The following CLASP1 variants were observed in gnomAD, a reference collection of about 807,000 sequenced individuals.
The protein encoded by CLASP1 is CLIP-associating protein 1.
CLASP1 carries 38 observed loss-of-function variants against 192.3 expected under a neutral mutation model. That is an observed-to-expected ratio of 0.20 (90% CI 0.15 to 0.26). CLASP1 has a LOEUF of 0.26. Ranked by LOEUF, CLASP1 falls within the 10% of genes least tolerant of loss-of-function variation. The pLI is 1.00. For missense variants in CLASP1, 1,433 were observed against 1,932.5 expected (o/e 0.74, Z 4.85); for synonymous variants, 691 against 712.8 (o/e 0.97, Z 0.49).
At chr2:121,627,979 G>A (rs1049798485) in intron 1 of CLASP1, among the ~76,000 whole-genome samples, 4 of 152,120 alleles carry the variant, frequency 2.6e-5, no homozygotes, top group African/African-American at 9.7e-5. Context: ...ATGAAATACT[G>A]TGAAATTTCA....
In CLASP1 at chr2:121,375,255, T is replaced by C. The variant is rs552673668; in HGVS notation, c.3642+2244A>G. Reference sequence around the variant, plus strand: ...GTGAAGATGTGCTTGCTTCTCCTTATGCCATGACTGTAAGCTTCCTGGGGC... The same window carrying C: ...GTGAAGATGTGCTTGCTTCTCCTTACGCCATGACTGTAAGCTTCCTGGGGC... On this transcript the variant is annotated intron_variant, in intron 34 of 39. Transcript: ENST00000263710. 1.6e-4 allele frequency among the ~76,000 whole-genome samples: 25 copies of C among 152,212 alleles called. No individual in the cohort carries two copies. The South Asian group carries it at 5.2e-3, about 32-fold the overall frequency.
chr2:121,479,016 CCACACACACACACACCCCACACA>C (rs2092330244), intron 8 of CLASP1, among the ~76,000 whole-genome samples: 1 of 63,896 alleles, frequency 1.6e-5, no homozygotes, highest in Non-Finnish European at 2.8e-5. Flanking sequence ...CACACACACA[CCACACACACACACACCCCACACA>C]CACACACACC....
chr2:121,475,297 T>C (rs1296207361), intron 8 of CLASP1, among the ~76,000 whole-genome samples: 1 of 152,230 alleles, frequency 6.6e-6, no homozygotes, highest in African/African-American at 2.4e-5. Context: ...ATTTGAAAAC[T>C]TAACTAACAT....
intron 2 of CLASP1, among the ~76,000 whole-genome samples, chr2:121,571,574 T>TG (rs532383028): frequency 1.9e-3 from 283 of 152,286 alleles, no homozygotes; most frequent in Non-Finnish European, 3.3e-3. Context: ...AAACATGGTC[T>TG]GGCAAAGTGT....
rs1458220329 is a variant in CLASP1 at position 121,457,652 on chromosome 2, A to G, written c.1385+35T>C. 3.2e-6 allele frequency: 5 copies of G among 1,542,640 alleles called. No individual in the cohort carries two copies. In the South Asian group the frequency reaches 3.4e-5, roughly 11 times the overall value. On this transcript the variant is annotated intron_variant, in intron 14 of 39. Transcript: ENST00000263710. ...TGGAATTTGTTTTGGTTTTTAAACAATTCAAAAACAATGAGAAAATCCTTT... is the reference window on the plus strand; with the variant it reads ...TGGAATTTGTTTTGGTTTTTAAACAGTTCAAAAACAATGAGAAAATCCTTT...
chr2:121,620,627 C>T (rs1037190196), intron 1 of CLASP1, among the ~76,000 whole-genome samples: 1 of 152,022 alleles, frequency 6.6e-6, no homozygotes, highest in Non-Finnish European at 1.5e-5. Context: ...GGATTACAGG[C>T]ATGAGCCACC....
Position 121,366,393 on chromosome 2 carries a change from T to C in CLASP1, c.3887-1109A>G, listed in dbSNP as rs545785745. 5.9e-5 allele frequency among the ~76,000 whole-genome samples: 9 copies of C among 152,360 alleles called. No individual in the cohort carries two copies. In the East Asian group the frequency reaches 1.7e-3, roughly 29 times the overall value. On this transcript the variant is annotated intron_variant, in intron 35 of 39. Transcript: ENST00000263710. ...ATATAAGCAATTAATAGCCAAGTGA[T>C]TAGGCTTTTAATCCCTACAGCCATT... is the stretch of plus-strand genomic sequence containing the variant.
chr2:121,371,307 T>G (rs1390920540), intron 34 of CLASP1, among the ~76,000 whole-genome samples: 2 of 152,098 alleles, frequency 1.3e-5, no homozygotes, highest in Non-Finnish European at 2.9e-5. Context: ...CGTAGCTTAC[T>G]GCAGCCTCAA....
chr2:121,454,851 G>A (rs2086287548), intron 14 of CLASP1, among the ~76,000 whole-genome samples: 1 of 152,188 alleles, frequency 6.6e-6, no homozygotes, highest in Admixed American at 6.5e-5. Flanking sequence ...GAAAACAACA[G>A]CAGCAAAATG....
chr2:121,461,249 TTTC>T, intron 10 of CLASP1, 56 bp from the exon 11 acceptor site: 1 of 941,498 alleles, frequency 1.1e-6, no homozygotes, highest in Non-Finnish European at 1.6e-6. Flanking sequence ...AAACAGATTA[TTTC>T]TTAATTACAT....
In CLASP1 at chr2:121,630,381, AACACACACACACACACAC is replaced by A. The variant is rs60827939; in HGVS notation, c.-286+18973_-286+18990del. On this transcript the variant is annotated intron_variant, in intron 1 of 39. Coordinates refer to ENST00000263710, the Ensembl canonical transcript of CLASP1. ...TTGGTAGATCACCATATTGGAAAGA[AACACACACACACACACAC>A]ACACACACACACACACACACACACA... is the stretch of plus-strand genomic sequence containing the variant. 1.2e-4 allele frequency among the ~76,000 whole-genome samples: 16 copies of A among 139,064 alleles called. No individual in the cohort carries two copies. In the East Asian group the frequency reaches 2.2e-3, roughly 19 times the overall value. The allele number at this position is 139,064 out of a possible 152,430, so 91.2% of individuals were successfully genotyped here. A position where few individuals can be genotyped will look rare whatever the true frequency, so the allele number is the denominator to read the frequency against.
chr2:121,426,855 A>C (rs1193710269), intron 21 of CLASP1, among the ~76,000 whole-genome samples: 1 of 152,140 alleles, frequency 6.6e-6, no homozygotes, highest in East Asian at 1.9e-4. Context: ...CAATACACTC[A>C]AATGGCAATC....
At chr2:121,516,677 A>G (rs921664763) in intron 6 of CLASP1, among the ~76,000 whole-genome samples, 2 of 152,246 alleles carry the variant, frequency 1.3e-5, no homozygotes, top group African/African-American at 2.4e-5. Context: ...ATGCGTTAAT[A>G]TAAGAAAATA....
At chr2:121,632,261 T>C (rs1248717980) in intron 1 of CLASP1, among the ~76,000 whole-genome samples, 1 of 151,912 alleles carries the variant, frequency 6.6e-6, no homozygotes, top group African/African-American at 2.4e-5. Flanking sequence ...AAAATGTATC[T>C]TGTATTGCAG....
chr2:121,631,416 T>C (rs1288860175), intron 1 of CLASP1, among the ~76,000 whole-genome samples: 15 of 149,788 alleles, frequency 1.0e-4, no homozygotes. Context: ...GCCTCCCGAA[T>C]AGCTGGGACT....
rs190889844 is a variant in CLASP1 at position 121,418,830 on chromosome 2, A to C, written c.2213-101T>G. 6 of 842,976 alleles carry C rather than the reference A, an allele frequency of 7.1e-6. No homozygotes were observed. In the East Asian group the frequency reaches 1.5e-4, roughly 21 times the overall value. 52.2% of individuals were successfully genotyped at this position (842,976 alleles called of 1,614,324 possible). A position where few individuals can be genotyped will look rare whatever the true frequency, so the allele number is the denominator to read the frequency against. ...CACATTTGGTTAATGTAATTACGACATTGTTCGCGCTGGGGAGTTCTGATG... is the reference window on the plus strand; with the variant it reads ...CACATTTGGTTAATGTAATTACGACCTTGTTCGCGCTGGGGAGTTCTGATG... On this transcript the variant is annotated intron_variant, in intron 22 of 39. Coordinates refer to ENST00000263710, the Ensembl canonical transcript of CLASP1.
intron 11 of CLASP1, among the ~76,000 whole-genome samples, chr2:121,460,733 C>A (rs1187802470): frequency 1.3e-5 from 2 of 152,042 alleles, no homozygotes; most frequent in African/African-American, 4.8e-5. Flanking sequence ...AACTTTCTAG[C>A]AAGTGATAAG....
At chr2:121,507,070 A>G (rs181874506) in intron 7 of CLASP1, among the ~76,000 whole-genome samples, 1 of 152,348 alleles carries the variant, frequency 6.6e-6, no homozygotes, top group East Asian at 1.9e-4. Context: ...TACAAAGGAA[A>G]TAAAAATCAG....
At chr2:121,409,695 A>G (rs183945159) in intron 24 of CLASP1, among the ~76,000 whole-genome samples, 2 of 152,184 alleles carry the variant, frequency 1.3e-5, no homozygotes, top group African/African-American at 4.8e-5. Flanking sequence ...TCCACTTCCC[A>G]GGGTCTCTGA....
Sources: gnomAD v4.1 joint callset for allele counts (sites outside exome capture counted in the v4.1 genomes callset) on GRCh38, gnomAD v4.1.1 for gene constraint, MANE v1.5 for transcripts, NCBI Gene and HGNC (gene_info 2026-07-23, HGNC 2026-07-21) for gene names.